FRMD4A: variants seen among roughly 807,000 people sequenced by gnomAD.
FRMD4A encodes the protein FERM domain containing 4A, also known as FERM domain-containing protein 4A.
Under a neutral mutation model 129.1 loss-of-function variants are expected in FRMD4A, and 29 were observed. The ratio of observed to expected loss-of-function variants is 0.22; its 90% confidence interval spans 0.17 to 0.31. FRMD4A has a LOEUF of 0.31. Among genes scored for constraint, FRMD4A ranks in the 10% least tolerant of loss-of-function variants. The probability of loss-of-function intolerance (pLI) is 1.00; values close to 1 mark genes in which losing one functional copy is unlikely to be tolerated. For missense variants in FRMD4A, 1,272 were observed against 1,375.8 expected (o/e 0.92, Z 1.19); for synonymous variants, 634 against 571.6 (o/e 1.11, Z -1.56).
chr10:14,264,427 C>T (rs768732893), intron 2 of FRMD4A, among the ~76,000 whole-genome samples: 4 of 152,204 alleles, frequency 2.6e-5, no homozygotes, highest in Non-Finnish European at 2.9e-5. Flanking sequence ...ACAAAAGTGA[C>T]TGTTTTATAA....
At chr10:14,196,875 C>G (rs1035445934) in intron 2 of FRMD4A, among the ~76,000 whole-genome samples, 5 of 152,122 alleles carry the variant, frequency 3.3e-5, no homozygotes, top group African/African-American at 1.2e-4. Context: ...AACTTCTTAC[C>G]CTGGGGAGGA....
At chr10:13,893,546 A>T (rs1329306099) in intron 2 of FRMD4A, among the ~76,000 whole-genome samples, 1 of 152,096 alleles carries the variant, frequency 6.6e-6, no homozygotes, top group African/African-American at 2.4e-5. Flanking sequence ...TTTTTGAGAC[A>T]GAGTCTGTCT....
intron 2 of FRMD4A, among the ~76,000 whole-genome samples, chr10:14,016,843 T>C (rs556042430): frequency 6.6e-6 from 1 of 152,360 alleles, no homozygotes; most frequent in African/African-American, 2.4e-5. Flanking sequence ...ATGTCAAATA[T>C]GAATGACCCA....
intron 2 of FRMD4A, among the ~76,000 whole-genome samples, chr10:14,227,231 T>C (rs1285419772): frequency 1.4e-5 from 2 of 138,910 alleles, no homozygotes; most frequent in East Asian, 2.3e-4. Flanking sequence ...TCCTCCTCCT[T>C]CTCTTCTTCT....
chr10:13,983,787 G>A (rs539447860), intron 2 of FRMD4A, among the ~76,000 whole-genome samples: 1 of 152,016 alleles, frequency 6.6e-6, no homozygotes, highest in East Asian at 1.9e-4. Flanking sequence ...ATCACCTTAG[G>A]TCAGGAGTTC....
chr10:13,976,135 A>G (rs1379590582), intron 2 of FRMD4A, among the ~76,000 whole-genome samples: 1 of 152,138 alleles, frequency 6.6e-6, no homozygotes, highest in African/African-American at 2.4e-5. Flanking sequence ...GACTTTTGCT[A>G]CTATTAGGGG....
intron 2 of FRMD4A, among the ~76,000 whole-genome samples, chr10:14,255,323 A>C (rs1844570318): frequency 6.6e-6 from 1 of 152,148 alleles, no homozygotes; most frequent in Non-Finnish European, 1.5e-5. Flanking sequence ...CCACAGTGCT[A>C]CCCATATCAG....
chr10:14,270,893 A>C (rs992706965), intron 2 of FRMD4A, among the ~76,000 whole-genome samples: 4 of 152,208 alleles, frequency 2.6e-5, no homozygotes, highest in African/African-American at 9.6e-5. Context: ...GCCATTCTTA[A>C]ATTGCTGCAA....
chr10:13,782,197 T>C (rs977846438), intron 6 of FRMD4A, among the ~76,000 whole-genome samples: 51 of 152,208 alleles, frequency 3.4e-4, no homozygotes, highest in African/African-American at 1.2e-3. Context: ...TGAAAGATGC[T>C]GCTAGACCAA....
intron 18 of FRMD4A, among the ~76,000 whole-genome samples, chr10:13,665,344 T>C (rs1428178674): frequency 6.6e-6 from 1 of 152,080 alleles, no homozygotes; most frequent in Non-Finnish European, 1.5e-5. Context: ...AAGCCCCCTA[T>C]AGTAACCACT....
intron 2 of FRMD4A, among the ~76,000 whole-genome samples, chr10:13,875,510 G>A (rs142106979): frequency 1.9e-4 from 29 of 152,298 alleles, no homozygotes; most frequent in African/African-American, 7.0e-4. Flanking sequence ...GGGTCATATT[G>A]TTTACAGTTT....
At chr10:14,139,406 A>G (rs981454164) in intron 2 of FRMD4A, among the ~76,000 whole-genome samples, 7 of 152,068 alleles carry the variant, frequency 4.6e-5, no homozygotes, top group African/African-American at 1.7e-4. Context: ...TGAACATAGA[A>G]GTTAATAAAT....
chr10:14,033,112 G>A (rs1039332467), intron 2 of FRMD4A, among the ~76,000 whole-genome samples: 1 of 152,154 alleles, frequency 6.6e-6, no homozygotes, highest in East Asian at 1.9e-4. Context: ...TTCGAGATCA[G>A]CCTGGCCAAC....
chr10:13,793,161 AC>A (rs2093039546), intron 5 of FRMD4A, among the ~76,000 whole-genome samples: 2 of 145,560 alleles, frequency 1.4e-5, no homozygotes, highest in African/African-American at 5.0e-5. Context: ...CTTTTCCATG[AC>A]CCTCTGTTTC....
At chr10:14,064,494 T>G (rs1450232224) in intron 2 of FRMD4A, among the ~76,000 whole-genome samples, 1 of 152,246 alleles carries the variant, frequency 6.6e-6, no homozygotes, top group Non-Finnish European at 1.5e-5. Flanking sequence ...TTCTGATTCC[T>G]TCTGCGTGAA....
At chr10:13,944,694 T>G (rs2095318967) in intron 2 of FRMD4A, among the ~76,000 whole-genome samples, 1 of 152,216 alleles carries the variant, frequency 6.6e-6, no homozygotes, top group Non-Finnish European at 1.5e-5. Context: ...TCTTCTGTTA[T>G]ATATTTGTAG....
At chr10:13,671,059 G>A (rs752521781) in intron 16 of FRMD4A, among the ~76,000 whole-genome samples, 10 of 152,190 alleles carry the variant, frequency 6.6e-5, no homozygotes, top group Non-Finnish European at 1.0e-4. Context: ...AAAGTGCATA[G>A]ATAAATAATT....
At chr10:13,853,947 G>A (rs186783730) in intron 3 of FRMD4A, among the ~76,000 whole-genome samples, 1 of 151,976 alleles carries the variant, frequency 6.6e-6, no homozygotes. Context: ...GCAGTAGAAG[G>A]TCAGGTCGGT....
intron 2 of FRMD4A, among the ~76,000 whole-genome samples, chr10:14,313,193 A>C (rs1487268069): frequency 6.7e-6 from 1 of 150,270 alleles, no homozygotes; most frequent in African/African-American, 2.4e-5. Context: ...TTTCTACCAA[A>C]AAAAAAAAAT....
Sources: allele counts gnomAD v4.1 joint callset (sites outside exome capture counted in the v4.1 genomes callset), GRCh38; gene constraint gnomAD v4.1.1; transcripts MANE v1.5; gene names NCBI Gene and HGNC (gene_info 2026-07-23, HGNC 2026-07-21).